SLC35A5: variants seen among roughly 807,000 people sequenced by gnomAD.
SLC35A5 encodes the protein solute carrier family 35 member A5.
Under a neutral mutation model 36.3 loss-of-function variants are expected in SLC35A5, and 28 were observed. That is an observed-to-expected ratio of 0.77 (90% CI 0.57 to 1.06). SLC35A5 has a LOEUF of 1.06. Ranked by LOEUF, SLC35A5 falls within the 50% of genes least tolerant of loss-of-function variation. SLC35A5 has a pLI of 0.00. For missense variants in SLC35A5, 521 were observed against 499.3 expected (o/e 1.04, Z -0.41); for synonymous variants, 180 against 173.7 (o/e 1.04, Z -0.29).
In SLC35A5 at chr3:112,585,498, TGCAATGTACCATATATAC is replaced by T. The variant is rs1216758539; in HGVS notation, c.*2771_*2788del. 1.3e-5 allele frequency: 2 copies of T among 152,118 alleles called. No homozygotes were observed. Among genetic ancestry groups the T allele is most frequent in the Non-Finnish European group, 2.9e-5 (2 of 68,032 alleles). The allele number at this position is 152,118 out of a possible 1,614,324, so 9.4% of individuals were successfully genotyped here. A position where few individuals can be genotyped will look rare whatever the true frequency, so the allele number is the denominator to read the frequency against. ...ACTAGAAGCCCAAACTTCACCATTA[TGCAATGTACCATATATAC>T]GCAATGTAACAAACCTGTACATGTA... On this transcript the variant is annotated 3_prime_UTR_variant, in exon 7 of 7. Coordinates refer to ENST00000492406, the MANE Select transcript of SLC35A5 (RefSeq NM_017945.5).
At position 112,563,400 on chromosome 3, in the gene SLC35A5, T is replaced by C; in HGVS notation, c.-4T>C. 6.7e-7 allele frequency: 1 copy of C among 1,499,074 alleles called. No homozygotes were observed. The highest frequency in any genetic ancestry group is 9.0e-7 in the Non-Finnish European group (1 of 1,106,168). 92.9% of individuals were successfully genotyped at this position (1,499,074 alleles called of 1,614,324 possible). On this transcript the variant is annotated 5_prime_UTR_variant, in exon 2 of 7. Transcript: ENST00000492406. Reference sequence around the variant, plus strand: ...TCTCTTTAAGGTAATTAAAAAACAGTGGAATGGAAAAACAGTGCTGTAGTC... The same window carrying C: ...TCTCTTTAAGGTAATTAAAAAACAGCGGAATGGAAAAACAGTGCTGTAGTC...
chr3:112,573,072 C>G (rs568835967), intron 4 of SLC35A5, among the ~76,000 whole-genome samples: 20 of 152,222 alleles, frequency 1.3e-4, no homozygotes, highest in African/African-American at 4.6e-4. Flanking sequence ...AATTTAGCTT[C>G]ATATTAGCCA....
At chr3:112,577,588 G>A (rs949080739) in intron 5 of SLC35A5, among the ~76,000 whole-genome samples, 2 of 152,154 alleles carry the variant, frequency 1.3e-5, no homozygotes, top group African/African-American at 4.8e-5. Flanking sequence ...TGAGATTGGA[G>A]GCAAAGGATA....
At position 112,583,038 on chromosome 3, in the gene SLC35A5, T is replaced by A. The variant is rs2107452878; in HGVS notation, c.*302T>A. On this transcript the variant is annotated 3_prime_UTR_variant, in exon 7 of 7. Coordinates refer to ENST00000492406, the MANE Select transcript of SLC35A5 (RefSeq NM_017945.5). Reference sequence around the variant, plus strand: ...GGCCTTCAAGCTTCCAAAAAACTTGTAATAATCATGTTAGCTATAGCTTGT... The same window carrying A: ...GGCCTTCAAGCTTCCAAAAAACTTGAAATAATCATGTTAGCTATAGCTTGT... 1 of 444,866 alleles carries A rather than the reference T, an allele frequency of 2.2e-6. No homozygotes were observed. Among genetic ancestry groups the A allele is most frequent in the East Asian group, 3.3e-5 (1 of 30,026 alleles). 27.6% of individuals were successfully genotyped at this position (444,866 alleles called of 1,614,324 possible). A position where few individuals can be genotyped will look rare whatever the true frequency, so the allele number is the denominator to read the frequency against.
intron 4 of SLC35A5, among the ~76,000 whole-genome samples, chr3:112,572,677 C>CT (rs1201620780): frequency 6.6e-6 from 1 of 152,192 alleles, no homozygotes; most frequent in Non-Finnish European, 1.5e-5. Flanking sequence ...CATGCATACT[C>CT]TGTGTATTGC....
rs753304921 is a variant in SLC35A5, at chr3:112,580,717, C to T, written c.600C>T (p.Pro200=). 2.5e-6 allele frequency: 4 copies of T among 1,613,998 alleles called. No individual in the cohort carries two copies. In the Admixed American group the frequency reaches 6.7e-5, roughly 27 times the overall value. Residue 200 remains proline (P), a synonymous_variant, in exon 6 of 7, where the codon CCC becomes CCT. Transcript: ENST00000492406. ...NSCLLFRSEC[P]RKDNCTAKEW... is the part of the protein sequence containing the mutation. The stretch of plus-strand genomic sequence containing the variant: ...GCCTTCTTTTCAGAAGTGAGTGTCC[C>T]AGAAAAGACAATTGTACAGCAAAGG...
Position 112,573,750 on chromosome 3 carries a change from C to G in SLC35A5, c.361-139C>G, listed in dbSNP as rs1022726869. Reference sequence around the variant, plus strand: ...CAAGCGACAAAACTGGAATTTAATCCTTAGTTGAAATTGCTACCTTAATAA... The same window carrying G: ...CAAGCGACAAAACTGGAATTTAATCGTTAGTTGAAATTGCTACCTTAATAA... On this transcript the variant is annotated intron_variant, in intron 4 of 6. Coordinates refer to ENST00000492406, the MANE Select transcript of SLC35A5 (RefSeq NM_017945.5). The G allele has an allele frequency of 3.6e-5, 24 of 664,046 alleles. 1 individual carries two copies. Among genetic ancestry groups the G allele is most frequent in the Middle Eastern group, 2.5e-4 (1 of 3,938 alleles). The allele number at this position is 664,046 out of a possible 1,614,324, so 41.1% of individuals were successfully genotyped here.
At chr3:112,567,578 T>C (rs1194168604) in intron 2 of SLC35A5, among the ~76,000 whole-genome samples, 1 of 152,230 alleles carries the variant, frequency 6.6e-6, no homozygotes, top group Non-Finnish European at 1.5e-5. Context: ...GTGCTGGGAT[T>C]ACAGGCATGA....
upstream of SLC35A5, chr3:112,561,468 G>T (rs1933876263): frequency 1.2e-6 from 2 of 1,613,430 alleles, no homozygotes; most frequent in African/African-American, 1.3e-5. Context: ...TTGAGGACCG[G>T]GGTCAGGTAC....
chr3:112,572,207 G>T (rs1360383246), intron 4 of SLC35A5, among the ~76,000 whole-genome samples: 1 of 151,558 alleles, frequency 6.6e-6, no homozygotes, highest in Non-Finnish European at 1.5e-5. Flanking sequence ...CTCCCAAAGT[G>T]CTGGGATTAC....
intron 3 of SLC35A5, among the ~76,000 whole-genome samples, chr3:112,569,893 G>A (rs1934367344): frequency 6.6e-6 from 1 of 152,188 alleles, no homozygotes; most frequent in South Asian, 2.1e-4. Context: ...AAACTTTAGA[G>A]CATTGAAGTG....
rs560953848 is a variant in SLC35A5 at position 112,563,838 on chromosome 3, G to A, written c.130+305G>A. On this transcript the variant is annotated intron_variant, in intron 2 of 6. Coordinates refer to ENST00000492406, the MANE Select transcript of SLC35A5 (RefSeq NM_017945.5). ...GACCTATAGCAAAATGTGTAATTGC[G>A]CCTTATTTTGAAGTAGAAGGATATA... 3.3e-5 allele frequency among the ~76,000 whole-genome samples: 5 copies of A among 149,716 alleles called. No individual in the cohort carries two copies. In the South Asian group the frequency reaches 6.3e-4, roughly 19 times the overall value.
intron 5 of SLC35A5, among the ~76,000 whole-genome samples, chr3:112,576,469 AT>A (rs1934684108): frequency 6.6e-6 from 1 of 151,638 alleles, no homozygotes; most frequent in African/African-American, 2.4e-5. Context: ...TGTTAAGTCT[AT>A]TCATGTTGTG....
At chr3:112,564,586 G>A (rs139713209) in intron 2 of SLC35A5, among the ~76,000 whole-genome samples, 2,521 of 152,136 alleles carry the variant, frequency 0.017, 40 homozygotes, top group Admixed American at 0.033. Context: ...GCAAAGAGGC[G>A]TTCCTTCCTC....
intron 2 of SLC35A5, among the ~76,000 whole-genome samples, chr3:112,564,773 G>T (rs1048749003): frequency 6.6e-6 from 1 of 152,160 alleles, no homozygotes; most frequent in Non-Finnish European, 1.5e-5. Flanking sequence ...GTGTCCCTGC[G>T]TACTTGAGAT....
chr3:112,580,446 C>T (rs1934855048), intron 5 of SLC35A5, 100 bp from the exon 6 acceptor site: 4 of 1,335,298 alleles, frequency 3.0e-6, no homozygotes, highest in Admixed American at 2.9e-5. Flanking sequence ...AAACTGGGTC[C>T]AGTTTATTCA....
chr3:112,563,296 A>T (rs933158139), intron 1 of SLC35A5, 89 bp from the exon 2 acceptor site: 19 of 1,276,444 alleles, frequency 1.5e-5, no homozygotes, highest in African/African-American at 1.2e-4. Flanking sequence ...AAAATTTTTT[A>T]AAAATTCCTT....
At chr3:112,572,619 C>T (rs891817835) in intron 4 of SLC35A5, among the ~76,000 whole-genome samples, 5 of 152,178 alleles carry the variant, frequency 3.3e-5, no homozygotes, top group African/African-American at 1.2e-4. Context: ...TATTGTTTTG[C>T]TCTTCCTTCC....
intron 2 of SLC35A5, among the ~76,000 whole-genome samples, chr3:112,564,545 A>T (rs979218703): frequency 6.6e-6 from 1 of 152,148 alleles, no homozygotes; most frequent in East Asian, 1.9e-4. Flanking sequence ...AGGGACGAGC[A>T]GGAGACAGAT....
Sources: gnomAD v4.1 joint callset for allele counts (sites outside exome capture counted in the v4.1 genomes callset) on GRCh38, gnomAD v4.1.1 for gene constraint, MANE v1.5 for transcripts, NCBI Gene and HGNC (gene_info 2026-07-23, HGNC 2026-07-21) for gene names.